Variants in KCNQ1 observed in about 807,000 individuals in gnomAD.
The protein encoded by KCNQ1 is potassium voltage-gated channel subfamily Q member 1.
KCNQ1 carries 49 observed loss-of-function variants against 72.4 expected under a neutral mutation model. The observed-to-expected ratio is 0.68, with a 90% confidence interval of 0.54 to 0.86. The LOEUF is 0.86. Among genes scored for constraint, KCNQ1 ranks in the 40% least tolerant of loss-of-function variants. The pLI is 0.00. For missense variants in KCNQ1, 790 were observed against 945.1 expected (o/e 0.84, Z 2.15); for synonymous variants, 450 against 412.6 (o/e 1.09, Z -1.10).
chr11:2,522,533 C>T (rs1847405692), intron 1 of KCNQ1, among the ~76,000 whole-genome samples: 1 of 152,180 alleles, frequency 6.6e-6, no homozygotes, highest in African/African-American at 2.4e-5. Flanking sequence ...TGTGAGGTTC[C>T]CAGCTCCGCC....
chr11:2,552,618 A>G (rs1336776999), intron 2 of KCNQ1, among the ~76,000 whole-genome samples: 2 of 152,220 alleles, frequency 1.3e-5, no homozygotes, highest in African/African-American at 2.4e-5. Flanking sequence ...TTTGATTGGC[A>G]TTGCATTGGA....
rs1848831315 is a variant in KCNQ1, at chr11:2,603,176, A to T, written c.1393+14322A>T. ...TATTGCAATAAAGCAAGTCACACAA[A>T]TTTTTTGGTTTGCCACTGCATATAA... On this transcript the variant is annotated intron_variant, in intron 10 of 15. Transcript: ENST00000155840. The surrounding 1 kb of genome is among the most constrained non-coding windows in gnomAD (Gnocchi z 4.1). Among the ~76,000 whole-genome samples the T allele has an allele frequency of 6.6e-6, 1 of 152,284 alleles. No homozygotes were observed. Among genetic ancestry groups the T allele is most frequent in the South Asian group, 2.1e-4 (1 of 4,824 alleles).
rs1850169993 is a variant in KCNQ1, at chr11:2,670,778, G to A, written c.1514+8697G>A. 1 of 398,474 alleles carries A rather than the reference G, an allele frequency of 2.5e-6. No homozygotes were observed. The highest frequency in any genetic ancestry group is 4.4e-6 in the Non-Finnish European group (1 of 226,096). 24.7% of individuals were successfully genotyped at this position (398,474 alleles called of 1,614,324 possible). On this transcript the variant is annotated intron_variant, in intron 11 of 15. Transcript: ENST00000155840. This position sits in a 1 kb window ranked among gnomAD's most constrained non-coding sequence, Gnocchi z 4.9. Reference sequence around the variant, plus strand: ...CCAGTGGCTCTTGTGGCTGCCCTCTGCAATAAGAATTCTTCAAGTTCAGCC... The same window carrying A: ...CCAGTGGCTCTTGTGGCTGCCCTCTACAATAAGAATTCTTCAAGTTCAGCC...
chr11:2,622,162 T>A, intron 10 of KCNQ1: 2 of 398,376 alleles, frequency 5.0e-6, no homozygotes, highest in Non-Finnish European at 8.9e-6. Flanking sequence ...TTGAAGTCCC[T>A]AAGTATTATT....
chr11:2,803,599 C>A lies in KCNQ1; in HGVS notation c.1794+25562C>A, dbSNP rs2134028953. Among the ~76,000 whole-genome samples the A allele has an allele frequency of 6.6e-6, 1 of 152,266 alleles. No individual in the cohort carries two copies. The highest frequency in any genetic ancestry group is 1.5e-5 in the Non-Finnish European group (1 of 67,994). ...AGCCCGCCAGGACTGGGGACACAAG[C>A]CTAGGCCTGTACCGTCTGCAGCCCC... is the stretch of plus-strand genomic sequence containing the variant. On this transcript the variant is annotated intron_variant, in intron 15 of 15. Coordinates refer to ENST00000155840, the MANE Select transcript of KCNQ1 (RefSeq NM_000218.3). The surrounding 1 kb of genome is among the most constrained non-coding windows in gnomAD (Gnocchi z 6.4).
chr11:2,606,605 C>T (rs1171152786), intron 10 of KCNQ1, among the ~76,000 whole-genome samples: 1 of 152,184 alleles, frequency 6.6e-6, no homozygotes, highest in East Asian at 1.9e-4. Flanking sequence ...TGCCATATTT[C>T]CTGTATAGCC....
chr11:2,839,089 G>A (rs568260749), intron 15 of KCNQ1, among the ~76,000 whole-genome samples: 11 of 152,290 alleles, frequency 7.2e-5, no homozygotes, highest in South Asian at 2.1e-4. Context: ...GGCGTCTGCC[G>A]GCAGGAAGCT....
At chr11:2,836,909 C>T (rs770373849) in intron 15 of KCNQ1, among the ~76,000 whole-genome samples, 6 of 152,112 alleles carry the variant, frequency 3.9e-5, no homozygotes, top group Non-Finnish European at 7.4e-5. Context: ...CTTTATTTGG[C>T]GGGAGAACGT....
At chr11:2,778,242 C>A (rs1846748378) in intron 15 of KCNQ1, among the ~76,000 whole-genome samples, 1 of 152,252 alleles carries the variant, frequency 6.6e-6, no homozygotes, top group Non-Finnish European at 1.5e-5. Flanking sequence ...TGGAAGGAGC[C>A]AGGCCAGGCT....
Position 2,512,780 on chromosome 11 carries a change from C to T in KCNQ1, c.387-15148C>T, listed in dbSNP as rs531706621. On this transcript the variant is annotated intron_variant, in intron 1 of 15. Transcript: ENST00000155840. The stretch of plus-strand genomic sequence containing the variant: ...GGCTGGGGGCGCCTGCCTGTCTGCC[C>T]GCCTGGAGTTCAGGTAAACAACCCC... Among the ~76,000 whole-genome samples, 3 of 152,306 alleles carry T rather than the reference C, an allele frequency of 2.0e-5. No homozygotes were observed. The South Asian group carries it at 6.2e-4, about 32-fold the overall frequency.
rs1850987827 is a variant in KCNQ1 at position 2,710,684 on chromosome 11, C to A, written c.1514+48603C>A. 6.6e-6 allele frequency among the ~76,000 whole-genome samples: 1 copy of A among 152,264 alleles called. No individual in the cohort carries two copies. The highest frequency in any genetic ancestry group is 1.9e-4 in the East Asian group (1 of 5,184). ...TGTGAGGTAGGGGTCTAACTTTATT[C>A]TTTGTCATGTGGATAGACAGTTATC... On this transcript the variant is annotated intron_variant, in intron 11 of 15. Coordinates refer to ENST00000155840, the MANE Select transcript of KCNQ1 (RefSeq NM_000218.3). The surrounding 1 kb of genome is among the most constrained non-coding windows in gnomAD (Gnocchi z 4.1).
chr11:2,738,344 C>T (rs1399384347), intron 11 of KCNQ1, among the ~76,000 whole-genome samples: 2 of 151,916 alleles, frequency 1.3e-5, no homozygotes, highest in East Asian at 1.9e-4. Context: ...AAGGAAGGCT[C>T]TCTGAGGGAG....
At chr11:2,640,852 G>A (rs1849565037) in intron 10 of KCNQ1, 5 of 399,130 alleles carry the variant, frequency 1.3e-5, no homozygotes, top group Non-Finnish European at 4.4e-6. Flanking sequence ...CACAGCCTTT[G>A]GTATCTATCC....
At chr11:2,506,721 A>T (rs79500518) in intron 1 of KCNQ1, among the ~76,000 whole-genome samples, 1 of 152,234 alleles carries the variant, frequency 6.6e-6, no homozygotes, top group Non-Finnish European at 1.5e-5. Context: ...CCAGCAATGC[A>T]TGAGCATACC....
intron 1 of KCNQ1, among the ~76,000 whole-genome samples, chr11:2,465,203 A>G (rs1482780097): frequency 2.0e-5 from 3 of 151,926 alleles, no homozygotes; most frequent in African/African-American, 7.3e-5. Flanking sequence ...TCTGTCGCCT[A>G]GGTTAGAGTG....
In KCNQ1 at chr11:2,817,078, C is replaced by T. The variant is rs751740360; in HGVS notation, c.1795-30689C>T. On this transcript the variant is annotated intron_variant, in intron 15 of 15. Coordinates refer to ENST00000155840, the MANE Select transcript of KCNQ1 (RefSeq NM_000218.3). The surrounding 1 kb of genome is among the most constrained non-coding windows in gnomAD (Gnocchi z 6.1). ...AGGAGACAGAGGGAACCCACCCTCA[C>T]CCTAGTCCACATGCCCGACCCATGA... Among the ~76,000 whole-genome samples the T allele has an allele frequency of 4.6e-5, 7 of 152,076 alleles. No homozygotes were observed. Among genetic ancestry groups the T allele is most frequent in the Non-Finnish European group, 7.4e-5 (5 of 68,002 alleles).
In KCNQ1 at chr11:2,691,871, G is replaced by A. The variant is rs988976141; in HGVS notation, c.1514+29790G>A. 7.5e-6 allele frequency: 3 copies of A among 398,610 alleles called. No individual in the cohort carries two copies. Among genetic ancestry groups the A allele is most frequent in the East Asian group, 7.1e-5 (2 of 28,086 alleles). 24.7% of individuals were successfully genotyped at this position (398,610 alleles called of 1,614,324 possible). On this transcript the variant is annotated intron_variant, in intron 11 of 15. Transcript: ENST00000155840. The surrounding 1 kb of genome is among the most constrained non-coding windows in gnomAD (Gnocchi z 6.4). ...CTAGGTCCTCTTTTCCATCCCTCCAGTTCTCCTGGCTTTCTTGCCATCTTT... is the reference window on the plus strand; with the variant it reads ...CTAGGTCCTCTTTTCCATCCCTCCAATTCTCCTGGCTTTCTTGCCATCTTT...
rs1589884980 is a variant in KCNQ1, at chr11:2,446,298, C to A, written c.386+814C>A. Among the ~76,000 whole-genome samples the A allele has an allele frequency of 6.6e-6, 1 of 152,206 alleles. No homozygotes were observed. Among genetic ancestry groups the A allele is most frequent in the South Asian group, 2.1e-4 (1 of 4,834 alleles). The stretch of plus-strand genomic sequence containing the variant: ...CTCCTCCATGCCTGCCTGGGGCCTT[C>A]CCCCGCTGCCCCAGTGGCCCTACTT... On this transcript the variant is annotated intron_variant, in intron 1 of 15. Coordinates refer to ENST00000155840, the MANE Select transcript of KCNQ1 (RefSeq NM_000218.3). The surrounding 1 kb of genome is among the most constrained non-coding windows in gnomAD (Gnocchi z 8.8).
chr11:2,646,940 C>A, intron 10 of KCNQ1: 1 of 398,608 alleles, frequency 2.5e-6, no homozygotes, highest in South Asian at 1.3e-4. Flanking sequence ...CTGCAAAGGA[C>A]AATATGACAT....
Sources: allele counts gnomAD v4.1 joint callset (sites outside exome capture counted in the v4.1 genomes callset), GRCh38; gene constraint gnomAD v4.1.1; non-coding constraint Gnocchi (gnomAD v3.1); transcripts MANE v1.5; gene names NCBI Gene and HGNC (gene_info 2026-07-23, HGNC 2026-07-21).